Variants in PCDHAC1 observed in about 807,000 individuals in gnomAD.
PCDHAC1 encodes protocadherin alpha-C1.
In PCDHAC1, 42 loss-of-function variants were observed where a neutral mutation model predicts 60.0. The observed-to-expected ratio is 0.70, with a 90% CI of 0.55 to 0.90. The LOEUF (loss-of-function observed/expected upper bound fraction) is 0.90. Ranked by LOEUF, PCDHAC1 falls within the 40% of genes least tolerant of loss-of-function variation. The probability of loss-of-function intolerance (pLI) is 0.00; values close to 1 mark genes in which losing one functional copy is unlikely to be tolerated. For synonymous variants in PCDHAC1, 468 were observed against 499.3 expected, an observed-to-expected ratio of 0.94 and a Z score of 0.84; for missense variants, 1,160 against 1,222.3, an observed-to-expected ratio of 0.95 and a Z score of 0.76.
intron 1 of PCDHAC1, among the ~76,000 whole-genome samples, chr5:140,954,817 T>G (rs1461497595): frequency 1.3e-5 from 2 of 152,224 alleles, no homozygotes; most frequent in Non-Finnish European, 2.9e-5. Flanking sequence ...TGAAATTGCT[T>G]TAGGCACTTT....
chr5:140,991,838 G>T (rs1056330823), intron 3 of PCDHAC1, among the ~76,000 whole-genome samples: 1 of 152,110 alleles, frequency 6.6e-6, no homozygotes, highest in Non-Finnish European at 1.5e-5. Context: ...CGGCAGAACC[G>T]CACTTCCAGA....
chr5:140,987,155 A>G (rs2097233368), intron 3 of PCDHAC1, among the ~76,000 whole-genome samples: 1 of 151,902 alleles, frequency 6.6e-6, no homozygotes, highest in South Asian at 2.1e-4. Context: ...TGGAGGTTGC[A>G]GTGAGCTGAG....
chr5:140,998,565 A>G, intron 3 of PCDHAC1, among the ~76,000 whole-genome samples: 1 of 113,790 alleles, frequency 8.8e-6, no homozygotes. Context: ...TTTATTGTAA[A>G]TAAGTTTTTT....
At chr5:140,973,586 C>T (rs1207651483) in intron 1 of PCDHAC1, among the ~76,000 whole-genome samples, 2 of 152,176 alleles carry the variant, frequency 1.3e-5, no homozygotes, top group African/African-American at 4.8e-5. Context: ...GACTGCTGAG[C>T]CAGATGGAAT....
chr5:140,969,325 A>G (rs1490022353), intron 1 of PCDHAC1: 1 of 1,614,000 alleles, frequency 6.2e-7, no homozygotes, highest in Non-Finnish European at 8.5e-7. Context: ...CTGTTTCTCA[A>G]AATGAGGTGA....
rs782141223 is a variant in PCDHAC1, at chr5:140,929,191, AAC to A, written c.2301_2302del (p.Asn767LysfsTer34). On this transcript the variant is annotated frameshift_variant, in exon 1 of 4. Transcript: ENST00000253807. LOFTEE classifies it high-confidence loss of function. ...CTCTCTGGGACTTGGTTCTGATAAT[AAC>A]AGTTTGCTGTTGCGTGGGGAGTACA... is the stretch of plus-strand genomic sequence containing the variant. ...RASLGLGSDN[N>X]SLLLRGEYNA... 3.1e-6 allele frequency: 5 copies of A among 1,614,000 alleles called. No homozygotes were observed. In the African/African-American group the frequency reaches 6.7e-5, roughly 22 times the overall value.
chr5:140,966,694 C>T, intron 1 of PCDHAC1: 1 of 1,358,670 alleles, frequency 7.4e-7, no homozygotes, highest in Non-Finnish European at 9.5e-7. Context: ...GAGGCGGGGC[C>T]CGGGCGTGGG....
At position 140,944,959 on chromosome 5, in the gene PCDHAC1, A is replaced by C. The variant is rs183198577; in HGVS notation, c.2433+15634A>C. Among the ~76,000 whole-genome samples, 72 of 152,254 alleles carry C rather than the reference A, an allele frequency of 4.7e-4. No individual in the cohort carries two copies. The East Asian group carries it at 0.012, about 25-fold the overall frequency. ...TTAGATGATTGTGAATAAGAGTATT[A>C]TCTTAACCTCTCTGGTGGGTCTACT... On this transcript the variant is annotated intron_variant, in intron 1 of 3. Coordinates refer to ENST00000253807, the MANE Select transcript of PCDHAC1 (RefSeq NM_018898.5).
intron 3 of PCDHAC1, among the ~76,000 whole-genome samples, chr5:140,998,172 T>C (rs1438782798): frequency 6.6e-6 from 1 of 152,184 alleles, no homozygotes; most frequent in Admixed American, 6.5e-5. Flanking sequence ...CCAAGTATTA[T>C]TCTAAGCACT....
chr5:140,968,150 A>C, intron 1 of PCDHAC1: 1 of 1,614,180 alleles, frequency 6.2e-7, no homozygotes. Context: ...GATCTCTGAC[A>C]TCAATGACAA....
chr5:140,927,157 G>A lies in PCDHAC1; in HGVS notation c.265G>A (p.Ala89Thr), dbSNP rs868936673. ...EPADREQLCR[A>T]KAACVLTYDL... ...GGCGGACCGCGAACAGCTGTGCAGG[G>A]CCAAAGCTGCCTGCGTCTTGACCTA... Residue 89 changes from alanine to threonine, a missense_variant, in exon 1 of 4, where the codon GCC becomes ACC. Ala to Thr is a moderately conservative substitution (Grantham distance 58, BLOSUM62 0). This residue lies in a region of PCDHAC1 where 1,113 missense variants were observed against 1,163.7 expected (regional missense o/e 0.96). Coordinates refer to ENST00000253807, the MANE Select transcript of PCDHAC1 (RefSeq NM_018898.5). 2 of 1,614,144 alleles carry A rather than the reference G, an allele frequency of 1.2e-6. No homozygotes were observed. The highest frequency in any genetic ancestry group is 2.2e-5 in the South Asian group (2 of 91,080).
intron 1 of PCDHAC1, chr5:140,929,861 G>C (rs2086430114): frequency 6.5e-6 from 1 of 153,628 alleles, no homozygotes; most frequent in Admixed American, 6.5e-5. Context: ...AGTCAGAGAA[G>C]GCTTTGTGAT....
At chr5:140,942,821 G>A (rs2093373988) in intron 1 of PCDHAC1, among the ~76,000 whole-genome samples, 1 of 151,968 alleles carries the variant, frequency 6.6e-6, no homozygotes, top group African/African-American at 2.4e-5. Flanking sequence ...GTTGGATTTG[G>A]CCCTGTGTCA....
chr5:140,930,197 C>G (rs1417032734), intron 1 of PCDHAC1: 1 of 152,080 alleles, frequency 6.6e-6, no homozygotes, highest in African/African-American at 2.4e-5. Flanking sequence ...ATTTTTATGT[C>G]AGAAATATTT....
rs1288767035 is a variant in PCDHAC1, at chr5:140,929,258, T to C, written c.2366T>C (p.Leu789Pro). 1.2e-6 allele frequency: 2 copies of C among 1,612,832 alleles called. No homozygotes were observed. The highest frequency in any genetic ancestry group is 1.7e-6 in the Non-Finnish European group (2 of 1,179,042). ...DLRNLATGVGLNLPISCIQIR... is the reference protein window; with the variant it reads ...DLRNLATGVGPNLPISCIQIR... ...CGAAATCTTGCCACTGGGGTAGGAC[T>C]GAATTTGCCAATATCCTGTATTCAG... The change falls in exon 1 of 4, where the codon CTG becomes CCG. Residue 789 changes from leucine (L) to proline (P), a missense_variant. Transcript: ENST00000253807.
At position 141,011,145 on chromosome 5, in the gene PCDHAC1, TCTC is replaced by T. The variant is rs1410974061; in HGVS notation, c.*1209_*1211del. The T allele has an allele frequency of 6.5e-6, 1 of 153,734 alleles. No individual in the cohort carries two copies. Among genetic ancestry groups the T allele is most frequent in the Non-Finnish European group, 1.5e-5 (1 of 68,036 alleles). 9.5% of individuals were successfully genotyped at this position (153,734 alleles called of 1,614,324 possible). A position where few individuals can be genotyped will look rare whatever the true frequency, so the allele number is the denominator to read the frequency against. On this transcript the variant is annotated 3_prime_UTR_variant, in exon 4 of 4. Transcript: ENST00000253807. Reference sequence around the variant, plus strand: ...TTATGTGCACTTTGATACACAACCTTCTCTAACCAACTATATATCAAGACCCAA... The same window carrying T: ...TTATGTGCACTTTGATACACAACCTTTAACCAACTATATATCAAGACCCAA...
chr5:140,966,613 A>T, intron 1 of PCDHAC1: 1 of 756,596 alleles, frequency 1.3e-6, no homozygotes, highest in Non-Finnish European at 1.9e-6. Flanking sequence ...GGGAGGGCCT[A>T]CGGAGGGAGC....
In PCDHAC1 at chr5:140,926,812, G is replaced by T. The variant is rs908940607; in HGVS notation, c.-81G>T. ...AGGAGCGTGCTCTTCCCCGCGGCTC[G>T]TGCTCTCCAGGAGTCCGGAGCATGG... On this transcript the variant is annotated 5_prime_UTR_variant, in exon 1 of 4. Transcript: ENST00000253807. 1.9e-5 allele frequency: 28 copies of T among 1,458,972 alleles called. No homozygotes were observed. The highest frequency in any genetic ancestry group is 2.8e-5 in the African/African-American group (2 of 70,178). The allele number at this position is 1,458,972 out of a possible 1,614,324, so 90.4% of individuals were successfully genotyped here.
chr5:141,006,384 T>C, intron 3 of PCDHAC1, among the ~76,000 whole-genome samples: 2 of 152,126 alleles, frequency 1.3e-5, no homozygotes, highest in South Asian at 4.2e-4. Flanking sequence ...GCTAAGTTTT[T>C]TCTATTTTTT....
Sources: gnomAD v4.1 joint callset for allele counts (sites outside exome capture counted in the v4.1 genomes callset) on GRCh38, gnomAD v4.1.1 for gene constraint, gnomAD v4.1.1 regional missense constraint, MANE v1.5 for transcripts, NCBI Gene and HGNC (gene_info 2026-07-23, HGNC 2026-07-21) for gene names.